Variants in TBC1D1 observed in about 807,000 individuals in gnomAD.
TBC1D1 encodes TBC1 domain family member 1.
Under a neutral mutation model 125.6 loss-of-function variants are expected in TBC1D1, and 89 were observed. The observed-to-expected ratio is 0.71, with a 90% CI of 0.60 to 0.85. TBC1D1 has a LOEUF of 0.85. TBC1D1 is among the 40% of genes least tolerant of loss of function. TBC1D1 has a pLI of 0.00. For synonymous variants in TBC1D1, 565 were observed against 564.1 expected, an observed-to-expected ratio of 1.00 and a Z score of -0.02; for missense variants, 1,377 against 1,469.2, an observed-to-expected ratio of 0.94 and a Z score of 1.03.
rs150565372 is a variant in TBC1D1, at chr4:37,998,883, A to G, written c.418-15626A>G. Among the ~76,000 whole-genome samples the G allele has an allele frequency of 2.5e-3, 386 of 152,308 alleles. 1 individual carries two copies. Among genetic ancestry groups the G allele is most frequent in the African/African-American group, 8.9e-3 (370 of 41,574 alleles). Reference sequence around the variant, plus strand: ...AGGTGTCAGAAATTTACGTTCCTCCATGTGTATTTGATTATATAAAATACT... The same window carrying G: ...AGGTGTCAGAAATTTACGTTCCTCCGTGTGTATTTGATTATATAAAATACT... On this transcript the variant is annotated intron_variant, in intron 2 of 19. Coordinates refer to ENST00000261439, the MANE Select transcript of TBC1D1 (RefSeq NM_015173.4).
chr4:38,044,180 C>T (rs1748962679), intron 8 of TBC1D1, among the ~76,000 whole-genome samples, 182 bp from the exon 9 acceptor site: 1 of 152,224 alleles, frequency 6.6e-6, no homozygotes, highest in Admixed American at 6.5e-5. Flanking sequence ...ATCAAAGCAA[C>T]TCTCTGAGGC....
At chr4:38,084,251 A>G (rs1389124772) in intron 12 of TBC1D1, among the ~76,000 whole-genome samples, 1 of 152,252 alleles carries the variant, frequency 6.6e-6, no homozygotes, top group African/African-American at 2.4e-5. Context: ...TTGTCTTTAA[A>G]AAATTCTGTT....
intron 2 of TBC1D1, among the ~76,000 whole-genome samples, chr4:37,904,501 A>C (rs1716879952): frequency 6.6e-6 from 1 of 152,184 alleles, no homozygotes. Flanking sequence ...AGCATTTTAC[A>C]CATTTGACTC....
chr4:38,062,844 A>G (rs1160794042), intron 12 of TBC1D1, among the ~76,000 whole-genome samples: 1 of 152,144 alleles, frequency 6.6e-6, no homozygotes, highest in African/African-American at 2.4e-5. Context: ...GTGACACAAG[A>G]TAGCACCTGA....
chr4:38,031,029 T>C (rs754436868), intron 7 of TBC1D1, among the ~76,000 whole-genome samples: 1 of 152,212 alleles, frequency 6.6e-6, no homozygotes, highest in Non-Finnish European at 1.5e-5. Flanking sequence ...TGCAAAGCCA[T>C]ATTTTTATTT....
Position 38,014,723 on chromosome 4 carries a change from G to GCGC in TBC1D1, c.633_634insGCC (p.Ser211_Pro212insAla). 1 of 1,600,170 alleles carries GCGC rather than the reference G, an allele frequency of 6.2e-7. No individual in the cohort carries two copies. ...GTCAGCGGCAGCCGGGGGTCCGAGA[G>GCGC]CCCCCGCCCCAACCCGCCCCATGCC... is the stretch of plus-strand genomic sequence containing the variant. On this transcript the variant is annotated inframe_insertion, in exon 3 of 20. Coordinates refer to ENST00000261439, the MANE Select transcript of TBC1D1 (RefSeq NM_015173.4). The surrounding 1 kb of genome is among the most constrained non-coding windows in gnomAD (Gnocchi z 5.1).
intron 15 of TBC1D1, among the ~76,000 whole-genome samples, chr4:38,109,509 AAGCC>A (rs1761891102): frequency 6.6e-6 from 1 of 152,126 alleles, no homozygotes; most frequent in Non-Finnish European, 1.5e-5. Flanking sequence ...CCCTCAGAGG[AAGCC>A]CTTGGTGTTC....
At chr4:38,041,556 A>G (rs1264241134) in intron 8 of TBC1D1, among the ~76,000 whole-genome samples, 1 of 152,224 alleles carries the variant, frequency 6.6e-6, no homozygotes, top group East Asian at 1.9e-4. Flanking sequence ...AAAAAAGCAA[A>G]TAAGTGTTTA....
At chr4:37,982,617 G>A (rs13111793) in intron 2 of TBC1D1, among the ~76,000 whole-genome samples, 43,219 of 152,014 alleles carry the variant, frequency 0.28, 6,222 homozygotes, top group Admixed American at 0.33. Flanking sequence ...GAACTTGGGC[G>A]TAGGTTGGTT....
chr4:37,994,722 T>C lies in TBC1D1; in HGVS notation c.418-19787T>C, dbSNP rs144999488. Among the ~76,000 whole-genome samples, 7 of 152,320 alleles carry C rather than the reference T, an allele frequency of 4.6e-5. No homozygotes were observed. In the East Asian group the frequency reaches 1.3e-3, roughly 29 times the overall value. On this transcript the variant is annotated intron_variant, in intron 2 of 19. Coordinates refer to ENST00000261439, the MANE Select transcript of TBC1D1 (RefSeq NM_015173.4). ...CAAAAATGAAACTTGCCGTGTGACCTGATCAGCAAGAAGGAGGGTGAGGCT... is the reference window on the plus strand; with the variant it reads ...CAAAAATGAAACTTGCCGTGTGACCCGATCAGCAAGAAGGAGGGTGAGGCT...
chr4:38,111,076 C>G (rs1006920127), intron 15 of TBC1D1, among the ~76,000 whole-genome samples: 36 of 152,224 alleles, frequency 2.4e-4, no homozygotes, highest in African/African-American at 8.4e-4. Flanking sequence ...GCTGCAGGTG[C>G]GCATCATATG....
intron 8 of TBC1D1, among the ~76,000 whole-genome samples, chr4:38,036,033 A>T (rs1747145800): frequency 6.6e-6 from 1 of 152,184 alleles, no homozygotes; most frequent in Non-Finnish European, 1.5e-5. Context: ...TCTTCTTTGT[A>T]AACCTGGAAG....
intron 2 of TBC1D1, among the ~76,000 whole-genome samples, chr4:37,951,347 G>C (rs1011311340): frequency 2.0e-5 from 3 of 152,144 alleles, no homozygotes; most frequent in Non-Finnish European, 4.4e-5. Context: ...TTGGGTGATG[G>C]AACCTGGGAG....
chr4:38,042,325 G>A (rs1012165076), intron 8 of TBC1D1, among the ~76,000 whole-genome samples: 2 of 152,054 alleles, frequency 1.3e-5, no homozygotes, highest in African/African-American at 4.8e-5. Context: ...TGCGATGTCA[G>A]CTCACTGCAA....
At chr4:37,954,120 A>T (rs576007811) in intron 2 of TBC1D1, among the ~76,000 whole-genome samples, 2 of 152,250 alleles carry the variant, frequency 1.3e-5, no homozygotes, top group Admixed American at 6.5e-5. Context: ...GTCTCATTCC[A>T]CTTTGCAATC....
At chr4:38,050,659 T>A (rs1478518289) in intron 11 of TBC1D1, among the ~76,000 whole-genome samples, 1 of 152,202 alleles carries the variant, frequency 6.6e-6, no homozygotes, top group East Asian at 1.9e-4. Flanking sequence ...CTAATATGAA[T>A]CAAGGTCACA....
intron 2 of TBC1D1, among the ~76,000 whole-genome samples, chr4:38,009,478 A>G (rs1578252383): frequency 6.6e-6 from 1 of 152,352 alleles, no homozygotes; most frequent in East Asian, 1.9e-4. Flanking sequence ...TTGTTTCAGG[A>G]GCTCTTTCCT....
intron 14 of TBC1D1, among the ~76,000 whole-genome samples, chr4:38,101,635 A>C (rs1254657758): frequency 3.3e-5 from 5 of 152,172 alleles, no homozygotes; most frequent in Non-Finnish European, 5.9e-5. Context: ...GTTCCTACCC[A>C]GCCTCTGGGC....
rs148865496 is a variant in TBC1D1, at chr4:37,917,703, G to T, written c.417+15191G>T. 1.7e-3 allele frequency among the ~76,000 whole-genome samples: 260 copies of T among 152,124 alleles called. 1 individual carries two copies. Among genetic ancestry groups the T allele is most frequent in the African/African-American group, 6.0e-3 (249 of 41,506 alleles). ...CGGGCTTCTCTTTCCCCATGAGAAG[G>T]GATTTTGATCCAATATTTAAAATCT... On this transcript the variant is annotated intron_variant, in intron 2 of 19. Transcript: ENST00000261439.
Sources: gnomAD v4.1 joint callset for allele counts (sites outside exome capture counted in the v4.1 genomes callset) on GRCh38, gnomAD v4.1.1 for gene constraint, Gnocchi (gnomAD v3.1) non-coding constraint, MANE v1.5 for transcripts, NCBI Gene and HGNC (gene_info 2026-07-23, HGNC 2026-07-21) for gene names.